FGF14: variants seen among roughly 807,000 people sequenced by gnomAD.
FGF14 encodes fibroblast growth factor 14.
In FGF14, 5 loss-of-function variants were observed where a neutral mutation model predicts 25.5. That is an observed-to-expected ratio of 0.20 (90% CI 0.10 to 0.41). FGF14 has a LOEUF of 0.41. FGF14 is among the 10% of genes least tolerant of loss of function. The pLI, the probability that FGF14 is intolerant of heterozygous loss-of-function variation, is 1.00. For missense variants in FGF14, 222 were observed against 320.1 expected (o/e 0.69, Z 2.34); for synonymous variants, 138 against 118.3 (o/e 1.17, Z -1.08).
intron 1 of FGF14, among the ~76,000 whole-genome samples, chr13:102,272,947 A>C (rs558352135): frequency 6.6e-5 from 10 of 152,210 alleles, no homozygotes; most frequent in Non-Finnish European, 1.3e-4. Context: ...TAATAAACAA[A>C]TATATCTCAT....
chr13:102,245,373 G>C (rs949691181), intron 1 of FGF14, among the ~76,000 whole-genome samples: 1 of 152,040 alleles, frequency 6.6e-6, no homozygotes, highest in Non-Finnish European at 1.5e-5. Flanking sequence ...AAGTATTTAC[G>C]ATGAGTCTTT....
chr13:102,129,196 G>C (rs889636223), intron 1 of FGF14, among the ~76,000 whole-genome samples: 1 of 152,104 alleles, frequency 6.6e-6, no homozygotes, highest in African/African-American at 2.4e-5. Context: ...GCTGTAGTGA[G>C]CTGAAAGCAC....
chr13:102,154,069 G>A (rs903784796), intron 1 of FGF14, among the ~76,000 whole-genome samples: 2 of 151,952 alleles, frequency 1.3e-5, no homozygotes, highest in African/African-American at 2.4e-5. Context: ...ATTCTATATG[G>A]TATCCACGAG....
chr13:101,789,650 G>A (rs2040116433), intron 3 of FGF14, among the ~76,000 whole-genome samples: 1 of 152,042 alleles, frequency 6.6e-6, no homozygotes, highest in African/African-American at 2.4e-5. Context: ...AACTTTAAAA[G>A]GTTCCAGTAA....
At chr13:102,152,583 A>G (rs2047134872) in intron 1 of FGF14, among the ~76,000 whole-genome samples, 1 of 152,160 alleles carries the variant, frequency 6.6e-6, no homozygotes, top group Non-Finnish European at 1.5e-5. Context: ...GGGAGTGAGG[A>G]CTTCAACCTA....
intron 3 of FGF14, among the ~76,000 whole-genome samples, chr13:101,775,341 T>C (rs2039040184): frequency 6.6e-6 from 1 of 152,182 alleles, no homozygotes; most frequent in African/African-American, 2.4e-5. Context: ...TGAATCCATT[T>C]AGAATTTGTC....
intron 3 of FGF14, among the ~76,000 whole-genome samples, chr13:101,793,512 C>A (rs1188448869): frequency 2.6e-5 from 4 of 152,116 alleles, no homozygotes; most frequent in Admixed American, 1.3e-4. Context: ...CATAAGTTGG[C>A]CATTGCACAT....
At chr13:101,939,725 G>A (rs17502818) in intron 1 of FGF14, among the ~76,000 whole-genome samples, 41,743 of 152,084 alleles carry the variant, frequency 0.27, 6,854 homozygotes, top group Non-Finnish European at 0.37. Context: ...TGCATTATCC[G>A]TCTGAACCAG....
intron 3 of FGF14, among the ~76,000 whole-genome samples, chr13:101,852,337 C>T (rs994926193): frequency 2.0e-5 from 3 of 152,086 alleles, no homozygotes; most frequent in Non-Finnish European, 4.4e-5. Flanking sequence ...TAATTACCCA[C>T]AAGCATGACA....
intron 1 of FGF14, among the ~76,000 whole-genome samples, chr13:102,251,035 A>T (rs530027493): frequency 6.6e-6 from 1 of 152,344 alleles, no homozygotes; most frequent in African/African-American, 2.4e-5. Context: ...TAAAAATATC[A>T]ACCATTGAAA....
chr13:101,786,095 C>T (rs2039808462), intron 3 of FGF14, among the ~76,000 whole-genome samples: 1 of 152,158 alleles, frequency 6.6e-6, no homozygotes, highest in South Asian at 2.1e-4. Context: ...GCTGGCTGCT[C>T]ACAACCACCA....
chr13:102,088,415 A>T (rs1209732854), intron 1 of FGF14, among the ~76,000 whole-genome samples: 2 of 152,194 alleles, frequency 1.3e-5, no homozygotes, highest in Non-Finnish European at 2.9e-5. Flanking sequence ...TGTAACATGT[A>T]TTTTTTAAAA....
chr13:102,298,863 C>T (rs1468133551), intron 1 of FGF14, among the ~76,000 whole-genome samples: 2 of 152,132 alleles, frequency 1.3e-5, no homozygotes, highest in Admixed American at 1.3e-4. Context: ...AATTAAGTGA[C>T]TCTATTTTCT....
chr13:102,025,604 T>C lies in FGF14; in HGVS notation c.209-150308A>G, dbSNP rs553604231. 1.7e-3 allele frequency among the ~76,000 whole-genome samples: 263 copies of C among 152,118 alleles called. 1 individual carries two copies. Among genetic ancestry groups the C allele is most frequent in the African/African-American group, 5.7e-3 (238 of 41,514 alleles). ...TTGTATTTTCAGTAGAGTCAGGATT[T>C]CCTCATGTTGGCCAGGCTGGTCTTG... is the stretch of plus-strand genomic sequence containing the variant. On this transcript the variant is annotated intron_variant, in intron 1 of 4. Coordinates refer to the FGF14 transcript ENST00000376131.
intron 1 of FGF14, among the ~76,000 whole-genome samples, chr13:102,174,506 C>G (rs978133273): frequency 6.6e-6 from 1 of 151,676 alleles, no homozygotes; most frequent in African/African-American, 2.4e-5. Context: ...AACTGAGAAC[C>G]AAATCAAAAA....
chr13:102,338,812 G>A (rs1472795684), intron 1 of FGF14, among the ~76,000 whole-genome samples: 1 of 151,920 alleles, frequency 6.6e-6, no homozygotes, highest in African/African-American at 2.4e-5. Flanking sequence ...CTAGGAGCTC[G>A]AGACCAGCCT....
intron 1 of FGF14, among the ~76,000 whole-genome samples, chr13:102,329,309 T>C (rs970451213): frequency 1.3e-5 from 2 of 152,200 alleles, no homozygotes; most frequent in South Asian, 4.1e-4. Context: ...ATTAGCCCTG[T>C]GAGTGAAGGC....
At chr13:102,383,357 A>C (rs1308444277) in intron 1 of FGF14, among the ~76,000 whole-genome samples, 3 of 152,202 alleles carry the variant, frequency 2.0e-5, no homozygotes, top group Non-Finnish European at 4.4e-5. Flanking sequence ...ATTTAAAAGA[A>C]AAAATGCACA....
chr13:102,080,487 G>T (rs1263917672), intron 1 of FGF14, among the ~76,000 whole-genome samples: 1 of 152,136 alleles, frequency 6.6e-6, no homozygotes, highest in Non-Finnish European at 1.5e-5. Context: ...CCCTTTGACT[G>T]CTGGCTCTCC....
Sources: gnomAD v4.1 joint callset for allele counts (sites outside exome capture counted in the v4.1 genomes callset) on GRCh38, gnomAD v4.1.1 for gene constraint, MANE v1.5 for transcripts, NCBI Gene and HGNC (gene_info 2026-07-23, HGNC 2026-07-21) for gene names.